Variants in LARP1 observed in about 807,000 individuals in gnomAD.
LARP1 encodes La ribonucleoprotein 1, translational regulator, also known as la-related protein 1.
A neutral mutation model predicts 122.7 loss-of-function variants in LARP1; 36 were observed. The ratio of observed to expected loss-of-function variants is 0.29; its 90% CI spans 0.22 to 0.39. The LOEUF (loss-of-function observed/expected upper bound fraction) is 0.39. Among genes scored for constraint, LARP1 ranks in the 10% least tolerant of loss-of-function variants. The pLI, the probability that LARP1 is intolerant of heterozygous loss-of-function variation, is 1.00. For synonymous variants in LARP1, 539 were observed against 528.7 expected, an observed-to-expected ratio of 1.02 and a Z score of -0.27; for missense variants, 1,040 against 1,403.6, an observed-to-expected ratio of 0.74 and a Z score of 4.14.
exon 1 of LARP1, chr5:154,713,096 G>A: frequency 2.5e-6 from 4 of 1,614,056 alleles, no homozygotes; most frequent in Non-Finnish European, 3.4e-6. Context: ...AGAAGCCATT[G>A]CCATTCCCTG....
At chr5:154,715,659 G>T (rs970374543) in intron 1 of LARP1, among the ~76,000 whole-genome samples, 2 of 152,066 alleles carry the variant, frequency 1.3e-5, no homozygotes, top group African/African-American at 2.4e-5. Flanking sequence ...GTGAATGCGG[G>T]GTGTGTGCGA....
At chr5:154,706,295 A>AAATATAATAATAATAAT (rs1322933798) in intron 1 of LARP1, among the ~76,000 whole-genome samples, 1 of 142,692 alleles carries the variant, frequency 7.0e-6, no homozygotes, top group African/African-American at 2.6e-5. Context: ...CTTTGTCTCA[A>AAATATAATAATAATAAT]AATAATAATA....
exon 1 of LARP1, chr5:154,713,023 C>A: frequency 6.2e-7 from 1 of 1,614,188 alleles, no homozygotes; most frequent in Non-Finnish European, 8.5e-7. Flanking sequence ...GGCAGACTCC[C>A]AGGGAGGAAA....
intron 14 of LARP1, chr5:154,805,026 G>T: frequency 4.9e-6 from 2 of 406,886 alleles, no homozygotes; most frequent in East Asian, 1.4e-4. Flanking sequence ...ATAACATATA[G>T]TCAATTAGCA....
At chr5:154,689,995 C>T (rs961005517) in intron 1 of LARP1, among the ~76,000 whole-genome samples, 4 of 152,090 alleles carry the variant, frequency 2.6e-5, no homozygotes, top group African/African-American at 7.2e-5. Context: ...GAGCAGAGAT[C>T]GCGCCGTTGC....
chr5:154,703,167 A>G (rs1249232246), intron 1 of LARP1, among the ~76,000 whole-genome samples: 1 of 148,326 alleles, frequency 6.7e-6, no homozygotes, highest in Non-Finnish European at 1.5e-5. Context: ...CTGGTTAACC[A>G]GCAGATGAGC....
intron 1 of LARP1, among the ~76,000 whole-genome samples, chr5:154,772,381 T>A (rs1314759987): frequency 1.3e-5 from 2 of 152,216 alleles, no homozygotes; most frequent in African/African-American, 4.8e-5. Flanking sequence ...TTGGATAGCG[T>A]ATTTCAAGTG....
chr5:154,701,599 C>T (rs1014073159), intron 1 of LARP1, among the ~76,000 whole-genome samples: 2 of 151,174 alleles, frequency 1.3e-5, no homozygotes, highest in African/African-American at 2.4e-5. Flanking sequence ...GGATATGGTC[C>T]GAACTTTGGG....
At chr5:154,778,520 A>C (rs1300468797) in intron 1 of LARP1, among the ~76,000 whole-genome samples, 3 of 152,186 alleles carry the variant, frequency 2.0e-5, no homozygotes, top group African/African-American at 7.2e-5. Context: ...AATGCATGCC[A>C]AAAATCTTAA....
At chr5:154,725,008 G>C (rs968662851) in intron 1 of LARP1, among the ~76,000 whole-genome samples, 2 of 152,166 alleles carry the variant, frequency 1.3e-5, no homozygotes, top group African/African-American at 4.8e-5. Flanking sequence ...CAGCCCTGTT[G>C]CCTCACACCT....
At chr5:154,789,292 T>C (rs1175708282) in intron 1 of LARP1, among the ~76,000 whole-genome samples, 1 of 136,250 alleles carries the variant, frequency 7.3e-6, no homozygotes, top group Non-Finnish European at 1.6e-5. Flanking sequence ...TTATCTCGGC[T>C]CACTGCAACC....
chr5:154,748,136 C>T (rs1753301494), intron 1 of LARP1, among the ~76,000 whole-genome samples: 1 of 152,178 alleles, frequency 6.6e-6, no homozygotes, highest in Non-Finnish European at 1.5e-5. Context: ...AGTTGTGAGC[C>T]ACTGTGCTCA....
intron 1 of LARP1, among the ~76,000 whole-genome samples, chr5:154,767,643 C>T (rs1290260409): frequency 1.3e-5 from 2 of 152,172 alleles, no homozygotes; most frequent in Non-Finnish European, 2.9e-5. Context: ...AGGCGTTTTG[C>T]AGTAAAACTC....
chr5:154,799,106 C>T lies in LARP1; in HGVS notation c.1378-485C>T, dbSNP rs549143599. On this transcript the variant is annotated intron_variant, in intron 8 of 18. Transcript: ENST00000518297. ...CTCAATCTCTTGACCTTGTGATCTG[C>T]CTGCCTGGGGCTCCCAAAGTGCTAG... Among the ~76,000 whole-genome samples the T allele has an allele frequency of 5.4e-4, 83 of 152,356 alleles. 1 individual carries two copies. Among genetic ancestry groups the T allele is most frequent in the Non-Finnish European group, 1.1e-3 (73 of 68,030 alleles).
chr5:154,724,000 A>T (rs1232510230), intron 1 of LARP1, among the ~76,000 whole-genome samples: 1 of 152,190 alleles, frequency 6.6e-6, no homozygotes, highest in Non-Finnish European at 1.5e-5. Context: ...CCCTGCCTTC[A>T]TGGGTATAAG....
exon 1 of LARP1, chr5:154,712,865 G>A (rs1375853565): frequency 3.4e-6 from 5 of 1,463,560 alleles, no homozygotes; most frequent in Non-Finnish European, 4.8e-6. Flanking sequence ...AGGCAGCTGT[G>A]CGATCTGGAT....
chr5:154,723,092 C>T (rs553319031), intron 1 of LARP1, among the ~76,000 whole-genome samples: 7 of 152,198 alleles, frequency 4.6e-5, no homozygotes, highest in African/African-American at 1.7e-4. Context: ...TGAACGAAAG[C>T]CAACATCTGA....
intron 10 of LARP1, among the ~76,000 whole-genome samples, chr5:154,800,822 C>G (rs1162998902): frequency 6.6e-6 from 1 of 152,162 alleles, no homozygotes; most frequent in Non-Finnish European, 1.5e-5. Flanking sequence ...TATCTATTTT[C>G]CCACAGTGAT....
intron 1 of LARP1, among the ~76,000 whole-genome samples, chr5:154,717,078 AAG>A (rs1755553309): frequency 6.6e-6 from 1 of 151,972 alleles, no homozygotes; most frequent in Non-Finnish European, 1.5e-5. Flanking sequence ...AAAAAAGAAA[AAG>A]AAAAAAAAGG....
Sources: allele counts gnomAD v4.1 joint callset (sites outside exome capture counted in the v4.1 genomes callset), GRCh38; gene constraint gnomAD v4.1.1; transcripts MANE v1.5; gene names NCBI Gene and HGNC (gene_info 2026-07-23, HGNC 2026-07-21).